The following GALNTL6 variants were observed in gnomAD, a reference collection of about 807,000 sequenced individuals.
GALNTL6 encodes the protein polypeptide N-acetylgalactosaminyltransferase like 6.
In GALNTL6, 46 loss-of-function variants were observed where a neutral mutation model predicts 73.7. That is an observed-to-expected ratio of 0.62 (90% CI 0.49 to 0.80). The LOEUF is 0.80. Ranked by LOEUF, GALNTL6 falls within the 30% of genes least tolerant of loss-of-function variation. The pLI is 0.00. For missense variants in GALNTL6, 604 were observed against 755.0 expected (o/e 0.80, Z 2.34); for synonymous variants, 259 against 263.7 (o/e 0.98, Z 0.17).
chr4:172,439,544 C>A (rs890754875), intron 5 of GALNTL6, among the ~76,000 whole-genome samples: 4 of 151,662 alleles, frequency 2.6e-5, no homozygotes, highest in African/African-American at 9.7e-5. Context: ...TGTTGATCAT[C>A]TTCTCTTTTC....
chr4:172,042,211 A>G (rs1019991373), intron 2 of GALNTL6, among the ~76,000 whole-genome samples: 3 of 152,060 alleles, frequency 2.0e-5, no homozygotes, highest in South Asian at 2.1e-4. Context: ...TTTAAGCCCT[A>G]TGAGTTTTGG....
At position 172,558,820 on chromosome 4, in the gene GALNTL6, C is replaced by T. The variant is rs573577759; in HGVS notation, c.553+210131C>T. 2.7e-3 allele frequency among the ~76,000 whole-genome samples: 408 copies of T among 151,862 alleles called. 3 individuals are homozygous for T. Among genetic ancestry groups the T allele is most frequent in the African/African-American group, 8.9e-3 (368 of 41,378 alleles). On this transcript the variant is annotated intron_variant, in intron 5 of 12. Coordinates refer to ENST00000506823, the MANE Select transcript of GALNTL6 (RefSeq NM_001034845.3). ...GGTCATTATCTCATATGTCGGTTGCCGAAAATATAAGTTGATCAAAACTAT... is the reference window on the plus strand; with the variant it reads ...GGTCATTATCTCATATGTCGGTTGCTGAAAATATAAGTTGATCAAAACTAT...
At chr4:172,983,785 T>C (rs1444879057) in intron 10 of GALNTL6, among the ~76,000 whole-genome samples, 1 of 152,140 alleles carries the variant, frequency 6.6e-6, no homozygotes, top group Non-Finnish European at 1.5e-5. Flanking sequence ...GCAAGTAGCA[T>C]AGGGCCTACC....
rs529525041 is a variant in GALNTL6 at position 172,616,157 on chromosome 4, A to G, written c.554-193204A>G. On this transcript the variant is annotated intron_variant, in intron 5 of 12. Transcript: ENST00000506823. Reference sequence around the variant, plus strand: ...GATCTGGAAACATGGCAAAGCCCCCATAAGAGAGAGCACAATGGATCTCAT... The same window carrying G: ...GATCTGGAAACATGGCAAAGCCCCCGTAAGAGAGAGCACAATGGATCTCAT... 3.3e-5 allele frequency among the ~76,000 whole-genome samples: 5 copies of G among 152,300 alleles called. No individual in the cohort carries two copies. In the South Asian group the frequency reaches 1.0e-3, roughly 32 times the overall value.
intron 2 of GALNTL6, among the ~76,000 whole-genome samples, chr4:171,969,063 C>A (rs922950200): frequency 6.6e-6 from 1 of 152,080 alleles, no homozygotes; most frequent in Admixed American, 6.5e-5. Context: ...TCTCGAACTC[C>A]TGACCTCGTG....
intron 2 of GALNTL6, among the ~76,000 whole-genome samples, chr4:172,177,560 T>C (rs1300925613): frequency 6.6e-6 from 1 of 151,990 alleles, no homozygotes; most frequent in African/African-American, 2.4e-5. Flanking sequence ...TCTTTCTTAG[T>C]TGAATGACAC....
rs148205117 is a variant in GALNTL6, at chr4:173,026,281, G to T, written c.1638+4656G>T. ...AAGCAAGTACCACCGCAGGCAATTA[G>T]AACTCAATCCTACTGAAGATCTCTG... On this transcript the variant is annotated intron_variant, in intron 12 of 12. Transcript: ENST00000506823. Among the ~76,000 whole-genome samples the T allele has an allele frequency of 7.8e-3, 1,181 of 152,246 alleles. 17 individuals are homozygous for T. Among genetic ancestry groups the T allele is most frequent in the African/African-American group, 0.027 (1,123 of 41,516 alleles).
intron 2 of GALNTL6, among the ~76,000 whole-genome samples, chr4:172,144,385 T>C (rs772327941): frequency 5.3e-5 from 8 of 152,244 alleles, no homozygotes; most frequent in Non-Finnish European, 1.0e-4. Context: ...TTTCTACTAC[T>C]ATGTAACTCT....
chr4:172,623,837 C>G (rs111365048), intron 5 of GALNTL6, among the ~76,000 whole-genome samples: 32 of 152,146 alleles, frequency 2.1e-4, no homozygotes, highest in African/African-American at 7.5e-4. Context: ...GGGCCTTGGT[C>G]CATCTTAGGC....
intron 11 of GALNTL6, among the ~76,000 whole-genome samples, chr4:173,019,520 T>A (rs1390780713): frequency 6.6e-6 from 1 of 152,124 alleles, no homozygotes; most frequent in Non-Finnish European, 1.5e-5. Context: ...AAGAGAGTGA[T>A]CAAAATCTGA....
chr4:172,186,790 G>C (rs933037056), intron 2 of GALNTL6, among the ~76,000 whole-genome samples: 1 of 152,044 alleles, frequency 6.6e-6, no homozygotes, highest in Non-Finnish European at 1.5e-5. Context: ...AAAGAATATG[G>C]AGTAACTGAT....
chr4:172,196,011 T>TG (rs1241424555), intron 2 of GALNTL6, among the ~76,000 whole-genome samples: 1 of 149,360 alleles, frequency 6.7e-6, no homozygotes, highest in Non-Finnish European at 1.5e-5. Flanking sequence ...GCTGGGTTTT[T>TG]TTTTTTTTTT....
rs7689985 is a variant in GALNTL6, at chr4:172,343,389, G to C, written c.387-5134G>C. Among the ~76,000 whole-genome samples the C allele has an allele frequency of 8.4e-3, 1,274 of 152,174 alleles. 15 individuals carry two copies. Among genetic ancestry groups the C allele is most frequent in the African/African-American group, 0.029 (1,203 of 41,550 alleles). On this transcript the variant is annotated intron_variant, in intron 4 of 12. Coordinates refer to ENST00000506823, the MANE Select transcript of GALNTL6 (RefSeq NM_001034845.3). ...TCTCCAAATGAAAATTAACCTAAATGCCTGTAATATAAACATTGACATTGT... is the reference window on the plus strand; with the variant it reads ...TCTCCAAATGAAAATTAACCTAAATCCCTGTAATATAAACATTGACATTGT...
chr4:171,935,321 A>G (rs1008125889), intron 2 of GALNTL6, among the ~76,000 whole-genome samples: 1 of 152,174 alleles, frequency 6.6e-6, no homozygotes, highest in African/African-American at 2.4e-5. Flanking sequence ...CAAGTTATAT[A>G]TTAGTGATGC....
intron 9 of GALNTL6, among the ~76,000 whole-genome samples, chr4:172,941,337 G>T (rs1274751818): frequency 6.6e-6 from 1 of 152,182 alleles, no homozygotes; most frequent in South Asian, 2.1e-4. Context: ...AGTGATCCCA[G>T]ATAATTGCAT....
At chr4:172,335,581 T>C (rs746722880) in intron 4 of GALNTL6, among the ~76,000 whole-genome samples, 171 of 152,276 alleles carry the variant, frequency 1.1e-3, no homozygotes, top group Non-Finnish European at 2.1e-3. Flanking sequence ...GTCCAGGGCT[T>C]TTTTGGTTGA....
intron 2 of GALNTL6, among the ~76,000 whole-genome samples, chr4:171,938,031 C>T (rs976758164): frequency 1.3e-5 from 2 of 152,024 alleles, no homozygotes; most frequent in Non-Finnish European, 2.9e-5. Context: ...TAGTTATTTC[C>T]ATAACAAAGG....
At chr4:172,459,427 T>G (rs1732529695) in intron 5 of GALNTL6, among the ~76,000 whole-genome samples, 1 of 152,258 alleles carries the variant, frequency 6.6e-6, no homozygotes, top group South Asian at 2.1e-4. Context: ...TCAAATTGCC[T>G]CTGTATGCAG....
At chr4:171,865,249 G>T (rs536474590) in intron 2 of GALNTL6, among the ~76,000 whole-genome samples, 91 of 152,114 alleles carry the variant, frequency 6.0e-4, no homozygotes, top group Non-Finnish European at 1.1e-3. Flanking sequence ...TATGAGTCAA[G>T]AAATGAATTG....
Sources: gnomAD v4.1 joint callset for allele counts (sites outside exome capture counted in the v4.1 genomes callset) on GRCh38, gnomAD v4.1.1 for gene constraint, MANE v1.5 for transcripts, NCBI Gene and HGNC (gene_info 2026-07-23, HGNC 2026-07-21) for gene names.